SMIM14: variants seen among roughly 807,000 people sequenced by gnomAD.
SMIM14 encodes the protein small integral membrane protein 14.
Under a neutral mutation model 12.6 loss-of-function variants are expected in SMIM14, and 5 were observed. That is an observed-to-expected ratio of 0.40 (90% CI 0.21 to 0.83). SMIM14 has a LOEUF of 0.83. Ranked by LOEUF, SMIM14 falls within the 40% of genes least tolerant of loss-of-function variation. The pLI is 0.37. For synonymous variants in SMIM14, 30 were observed against 40.1 expected, an observed-to-expected ratio of 0.75 and a Z score of 0.95; for missense variants, 86 against 119.1, an observed-to-expected ratio of 0.72 and a Z score of 1.29.
At chr4:39,590,915 C>G (rs1714040061) in intron 2 of SMIM14, among the ~76,000 whole-genome samples, 1 of 152,058 alleles carries the variant, frequency 6.6e-6, no homozygotes, top group African/African-American at 2.4e-5. Flanking sequence ...AAGAGACTCA[C>G]CGTCTATCCT....
rs532472511 is a variant in SMIM14, at chr4:39,594,426, G to A, written c.75+10645C>T. The A allele has an allele frequency of 2.6e-3, 392 of 151,790 alleles. 1 individual carries two copies. The highest frequency in any genetic ancestry group is 9.0e-3 in the African/African-American group (373 of 41,324). 9.4% of individuals were successfully genotyped at this position (151,790 alleles called of 1,614,324 possible). A position where few individuals can be genotyped will look rare whatever the true frequency, so the allele number is the denominator to read the frequency against. ...TTCAAGATGGATTAAAGACTTAAAC[G>A]TTAGACCTAAAACCATAAAAACCCT... On this transcript the variant is annotated intron_variant, in intron 2 of 4. Coordinates refer to ENST00000295958, the MANE Select transcript of SMIM14 (RefSeq NM_174921.3).
intron 1 of SMIM14, among the ~76,000 whole-genome samples, chr4:39,627,144 CTTTTA>C (rs1377965122): frequency 6.6e-6 from 1 of 152,128 alleles, no homozygotes; most frequent in Non-Finnish European, 1.5e-5. Context: ...TCTGAGCCCT[CTTTTA>C]TAAGGGCACT....
intron 2 of SMIM14, among the ~76,000 whole-genome samples, chr4:39,586,707 A>G (rs576551671): frequency 1.3e-5 from 2 of 152,186 alleles, no homozygotes; most frequent in East Asian, 1.9e-4. Flanking sequence ...ACAGTTGCAA[A>G]GTCACTTACC....
At chr4:39,600,208 G>A (rs1267344310) in intron 2 of SMIM14, among the ~76,000 whole-genome samples, 2 of 151,930 alleles carry the variant, frequency 1.3e-5, no homozygotes, top group Non-Finnish European at 2.9e-5. Context: ...TATTTCCCAT[G>A]CCAGGCTCTC....
chr4:39,602,094 C>A (rs1384245116), intron 2 of SMIM14, among the ~76,000 whole-genome samples: 2 of 148,910 alleles, frequency 1.3e-5, no homozygotes, highest in Admixed American at 6.7e-5. Flanking sequence ...ATAAAAAAAA[C>A]AAAAATTAGC....
intron 3 of SMIM14, among the ~76,000 whole-genome samples, chr4:39,559,067 CCT>C (rs1232240297): frequency 6.6e-6 from 1 of 152,166 alleles, no homozygotes; most frequent in African/African-American, 2.4e-5. Context: ...CTTGGACTCC[CCT>C]CTCTGCAGAG....
intron 4 of SMIM14, among the ~76,000 whole-genome samples, chr4:39,553,254 G>T (rs202132395): frequency 1.3e-5 from 2 of 151,860 alleles, no homozygotes; most frequent in South Asian, 4.2e-4. Flanking sequence ...GTAGAGACAG[G>T]GTTTCACCAT....
At chr4:39,582,110 ATCTGCCCGCC>A (rs751153851) in intron 2 of SMIM14, among the ~76,000 whole-genome samples, 226 of 151,956 alleles carry the variant, frequency 1.5e-3, no homozygotes, top group Middle Eastern at 3.4e-3. Context: ...ACCTCAGGTG[ATCTGCCCGCC>A]TCGGCCTCCC....
Position 39,546,431 on chromosome 4 carries a change from C to T in SMIM14, c.*5695G>A, listed in dbSNP as rs1256713692. On this transcript the variant is annotated 3_prime_UTR_variant, in exon 5 of 5. Transcript: ENST00000295958. ...ACAAGCAACTAATGGGAAAAGATCA[C>T]ACAGGTAACTCCAATTTTTAAAAAT... 1 of 152,186 alleles carries T rather than the reference C, an allele frequency of 6.6e-6. No homozygotes were observed. Among genetic ancestry groups the T allele is most frequent in the Non-Finnish European group, 1.5e-5 (1 of 68,034 alleles). The allele number at this position is 152,186 out of a possible 1,614,324, so 9.4% of individuals were successfully genotyped here. A position where few individuals can be genotyped will look rare whatever the true frequency, so the allele number is the denominator to read the frequency against.
intron 2 of SMIM14, among the ~76,000 whole-genome samples, chr4:39,576,684 ATTTTTTTTTTTT>A (rs574142564): frequency 7.8e-3 from 197 of 25,418 alleles, no homozygotes; most frequent in African/African-American, 0.028. Context: ...ATATATATAT[ATTTTTTTTTTTT>A]TTTTTTTTTT....
At chr4:39,609,066 T>A (rs1714921511) in intron 1 of SMIM14, among the ~76,000 whole-genome samples, 1 of 152,030 alleles carries the variant, frequency 6.6e-6, no homozygotes. Context: ...AACCTCCACC[T>A]CCCGAATTCA....
intron 2 of SMIM14, among the ~76,000 whole-genome samples, chr4:39,601,839 T>C (rs150096411): frequency 1.5e-3 from 224 of 150,562 alleles, no homozygotes; most frequent in African/African-American, 5.3e-3. Flanking sequence ...CCTAGCTACC[T>C]GGGAGGCTAA....
chr4:39,572,384 C>G, intron 3 of SMIM14, 31 bp downstream of exon 3: 1 of 1,493,798 alleles, frequency 6.7e-7, no homozygotes. Flanking sequence ...GCCCCCAATG[C>G]CATCCTTCCT....
At chr4:39,564,949 C>T (rs146336226) in intron 3 of SMIM14, among the ~76,000 whole-genome samples, 132 of 152,238 alleles carry the variant, frequency 8.7e-4, no homozygotes, top group African/African-American at 3.0e-3. Flanking sequence ...TGGTGGCTCA[C>T]GCCTGTAATC....
Position 39,580,533 on chromosome 4 carries a change from T to C in SMIM14, c.76-8070A>G, listed in dbSNP as rs909181005. 4.0e-5 allele frequency among the ~76,000 whole-genome samples: 6 copies of C among 151,856 alleles called. No individual in the cohort carries two copies. In the East Asian group the frequency reaches 1.2e-3, roughly 29 times the overall value. ...CTTGTCTCTGTTTCTTTCTTTCTTT[T>C]TTTTTTTAGATGGAGTCTCACTCTG... is the stretch of plus-strand genomic sequence containing the variant. On this transcript the variant is annotated intron_variant, in intron 2 of 4. Coordinates refer to ENST00000295958, the MANE Select transcript of SMIM14 (RefSeq NM_174921.3).
chr4:39,595,517 C>T (rs544744002), intron 2 of SMIM14, among the ~76,000 whole-genome samples: 2 of 151,632 alleles, frequency 1.3e-5, no homozygotes, highest in South Asian at 4.2e-4. Context: ...AACTAACCTG[C>T]ACATTGTGCA....
At chr4:39,608,092 T>C (rs545672590) in intron 1 of SMIM14, among the ~76,000 whole-genome samples, 1 of 152,094 alleles carries the variant, frequency 6.6e-6, no homozygotes, top group Non-Finnish European at 1.5e-5. Context: ...CTGTGGAAAA[T>C]AGTTTGAAAG....
At chr4:39,633,956 G>A (rs1296759991) in intron 1 of SMIM14, among the ~76,000 whole-genome samples, 1 of 152,102 alleles carries the variant, frequency 6.6e-6, no homozygotes, top group African/African-American at 2.4e-5. Context: ...GTTTTGAGAC[G>A]GAGTCTCGCT....
At chr4:39,620,254 C>T (rs989316061) in intron 1 of SMIM14, among the ~76,000 whole-genome samples, 3 of 151,460 alleles carry the variant, frequency 2.0e-5, no homozygotes, top group African/African-American at 7.3e-5. Context: ...CCGAGGCGGG[C>T]GGATCACGAG....
Sources: allele counts gnomAD v4.1 joint callset (sites outside exome capture counted in the v4.1 genomes callset), GRCh38; gene constraint gnomAD v4.1.1; transcripts MANE v1.5; gene names NCBI Gene and HGNC (gene_info 2026-07-23, HGNC 2026-07-21).